The following DOCK8 variants were observed in gnomAD, a reference collection of about 807,000 sequenced individuals.
DOCK8 encodes the protein dedicator of cytokinesis protein 8.
A neutral mutation model predicts 245.6 loss-of-function variants in DOCK8; 141 were observed. The observed-to-expected ratio is 0.57, with a 90% confidence interval of 0.50 to 0.66. The LOEUF is 0.66. DOCK8 is among the 30% of genes least tolerant of loss of function. The pLI is 0.00. For missense variants in DOCK8, 2,965 were observed against 2,603.4 expected, an observed-to-expected ratio of 1.14 and a Z score of -3.02; for synonymous variants, 1,168 against 970.2, an observed-to-expected ratio of 1.20 and a Z score of -3.79.
chr9:291,373 A>C (rs62533376), intron 4 of DOCK8, among the ~76,000 whole-genome samples: 6,016 of 152,276 alleles, frequency 0.04, 150 homozygotes, highest in Non-Finnish European at 0.058. Context: ...GTTTCACTCT[A>C]GACAGATAAT....
At chr9:259,618 C>T (rs1385452800) in intron 1 of DOCK8, among the ~76,000 whole-genome samples, 1 of 152,310 alleles carries the variant, frequency 6.6e-6, no homozygotes, top group South Asian at 2.1e-4. Flanking sequence ...AAGTGCTCAG[C>T]ACAGAGCCCT....
At chr9:458,758 C>T (rs1213156371) in intron 46 of DOCK8, among the ~76,000 whole-genome samples, 2 of 152,104 alleles carry the variant, frequency 1.3e-5, no homozygotes, top group African/African-American at 4.8e-5. Context: ...TTGCAGTGAG[C>T]TGAGATCATG....
At chr9:379,960 T>C (rs2053675984) in intron 21 of DOCK8, 25 bp downstream of exon 21, 1 of 1,610,290 alleles carries the variant, frequency 6.2e-7, no homozygotes, top group Admixed American at 1.7e-5. Context: ...AGTGTGGGAC[T>C]CTGGTGGGCG....
At chr9:288,134 G>C (rs886102778) in intron 3 of DOCK8, among the ~76,000 whole-genome samples, 3 of 150,628 alleles carry the variant, frequency 2.0e-5, no homozygotes, top group African/African-American at 7.4e-5. Flanking sequence ...CTGTTGCCTT[G>C]TCAAAAGAAT....
In DOCK8 at chr9:419,674, G is replaced by A. The variant is rs1180210347; in HGVS notation, c.3841-727G>A. On this transcript the variant is annotated intron_variant, in intron 30 of 47. Coordinates refer to ENST00000432829, the MANE Select transcript of DOCK8 (RefSeq NM_203447.4). ...GTACATTCCACTGGATATTAGCTAC[G>A]CTGCATGAACCAAGGGTGCAGCCTC... is the stretch of plus-strand genomic sequence containing the variant. Among the ~76,000 whole-genome samples the A allele has an allele frequency of 7.2e-5, 11 of 152,002 alleles. No homozygotes were observed. The South Asian group carries it at 1.0e-3, about 14-fold the overall frequency.
intron 5 of DOCK8, among the ~76,000 whole-genome samples, chr9:307,610 G>A (rs2049907405): frequency 6.6e-6 from 1 of 151,866 alleles, no homozygotes; most frequent in Admixed American, 6.6e-5. Flanking sequence ...CACCCACCTT[G>A]GCCTCCCAAA....
At chr9:371,606 T>A (rs772703492) in intron 17 of DOCK8, 40 bp downstream of exon 17, 2 of 1,613,460 alleles carry the variant, frequency 1.2e-6, no homozygotes, top group African/African-American at 2.7e-5. Flanking sequence ...CTGCAGTTGT[T>A]GGTGCATCTG....
At chr9:404,182 C>G (rs1271134484) in intron 26 of DOCK8, among the ~76,000 whole-genome samples, 2 of 151,682 alleles carry the variant, frequency 1.3e-5, no homozygotes, top group African/African-American at 4.8e-5. Context: ...GAGGAGCTGC[C>G]TCTGAGTCTG....
chr9:265,539 C>T (rs897602172), intron 1 of DOCK8, among the ~76,000 whole-genome samples: 10 of 152,174 alleles, frequency 6.6e-5, no homozygotes, highest in African/African-American at 2.2e-4. Flanking sequence ...CCACCCCTTT[C>T]ACTATTGTTT....
chr9:446,640 G>A (rs375138050), intron 44 of DOCK8, 34 bp downstream of exon 44: 1 of 1,603,290 alleles, frequency 6.2e-7, no homozygotes, highest in Non-Finnish European at 8.5e-7. Flanking sequence ...ACCACTGGAT[G>A]AGTGGGCTGG....
chr9:213,080 T>C (rs553331293), upstream of DOCK8: 2 of 152,348 alleles, frequency 1.3e-5, no homozygotes, highest in East Asian at 3.9e-4. Flanking sequence ...ATGTAGTAAA[T>C]AAGGACAGTT....
intron 6 of DOCK8, among the ~76,000 whole-genome samples, chr9:314,912 C>G (rs183990035): frequency 1.3e-5 from 2 of 152,280 alleles, no homozygotes; most frequent in African/African-American, 4.8e-5. Context: ...AAAAGTTGGA[C>G]TTAACCACCA....
intron 39 of DOCK8, among the ~76,000 whole-genome samples, chr9:435,373 T>A (rs1489192524): frequency 6.6e-6 from 1 of 150,702 alleles, no homozygotes; most frequent in Non-Finnish European, 1.5e-5. Flanking sequence ...TGGCTTCATT[T>A]GAACCTCCCC....
At chr9:374,628 AT>A (rs3028572) in intron 18 of DOCK8, among the ~76,000 whole-genome samples, 89,665 of 136,810 alleles carry the variant, frequency 0.66, 29,444 homozygotes, top group East Asian at 0.78. Context: ...CGCCCAGCTA[AT>A]TTTTTTTTTT....
At chr9:261,813 G>A (rs909282390) in intron 1 of DOCK8, among the ~76,000 whole-genome samples, 1 of 152,038 alleles carries the variant, frequency 6.6e-6, no homozygotes, top group African/African-American at 2.4e-5. Context: ...GTGTCTTCCT[G>A]GTGGATTGCC....
At chr9:299,083 AG>A in intron 4 of DOCK8, among the ~76,000 whole-genome samples, 1 of 152,188 alleles carries the variant, frequency 6.6e-6, no homozygotes, top group East Asian at 1.9e-4. Context: ...GCATAATTTT[AG>A]GCGATAACTT....
At chr9:387,458 GAAAA>G (rs1312650811) in intron 23 of DOCK8, among the ~76,000 whole-genome samples, 1 of 149,366 alleles carries the variant, frequency 6.7e-6, no homozygotes, top group Non-Finnish European at 1.5e-5. Flanking sequence ...AAAAAAAAAA[GAAAA>G]AAAGGGTAAA....
At position 418,139 on chromosome 9, in the gene DOCK8, A is replaced by C; in HGVS notation, c.3772A>C (p.Asn1258His). 3 of 1,614,242 alleles carry C rather than the reference A, an allele frequency of 1.9e-6. No individual in the cohort carries two copies. The South Asian group carries it at 3.3e-5, about 18-fold the overall frequency. Residue 1258 changes from asparagine to histidine, a missense_variant, in exon 30 of 48, where the codon AAT (asparagine) becomes CAT (histidine). Transcript: ENST00000432829. ...AGAAGGAGCCGGTGCCATTAACCAGAATGTGGCTCTGGCCATAGCAGGGAA... is the reference window on the plus strand; with the variant it reads ...AGAAGGAGCCGGTGCCATTAACCAGCATGTGGCTCTGGCCATAGCAGGGAA... Reference protein sequence around the residue: ...EQEGAGAINQNVALAIAGNNF... With the variant: ...EQEGAGAINQHVALAIAGNNF...
At chr9:224,882 A>T (rs2046958381) in intron 1 of DOCK8, among the ~76,000 whole-genome samples, 1 of 152,204 alleles carries the variant, frequency 6.6e-6, no homozygotes, top group Non-Finnish European at 1.5e-5. Flanking sequence ...GCTGGTTAAC[A>T]TAAATGTTGT....
Sources: allele counts gnomAD v4.1 joint callset (sites outside exome capture counted in the v4.1 genomes callset), GRCh38; gene constraint gnomAD v4.1.1; transcripts MANE v1.5; gene names NCBI Gene and HGNC (gene_info 2026-07-23, HGNC 2026-07-21).